Variants in MAF observed in about 807,000 individuals in gnomAD.
The protein encoded by MAF is MAF bZIP transcription factor.
A neutral mutation model predicts 22.0 loss-of-function variants in MAF; 10 were observed. That is an observed-to-expected ratio of 0.45 (90% CI 0.28 to 0.77). MAF has a LOEUF of 0.77. MAF is among the 30% of genes least tolerant of loss of function. The pLI is 0.12. For missense variants in MAF, 544 were observed against 548.4 expected (o/e 0.99, Z 0.08); for synonymous variants, 337 against 255.8 (o/e 1.32, Z -3.03).
chr16:79,264,880 A>T, the MAF span, among the ~76,000 whole-genome samples: 1 of 152,156 alleles, frequency 6.6e-6, no homozygotes, highest in Non-Finnish European at 1.5e-5. Flanking sequence ...ACAGTTCCCA[A>T]ATTTTAATTC....
chr16:79,468,431 T>A, the MAF span, among the ~76,000 whole-genome samples: 49 of 152,324 alleles, frequency 3.2e-4, no homozygotes, highest in Admixed American at 2.5e-3. Flanking sequence ...AAATGTGTCC[T>A]CTGGAGGGAG....
the MAF span, among the ~76,000 whole-genome samples, chr16:79,272,794 C>T: frequency 6.6e-6 from 1 of 152,110 alleles, no homozygotes; most frequent in Non-Finnish European, 1.5e-5. Flanking sequence ...GAGAGGAGCA[C>T]CCGATATTTT....
chr16:79,491,469 C>G, the MAF span, among the ~76,000 whole-genome samples: 1 of 152,142 alleles, frequency 6.6e-6, no homozygotes, highest in Non-Finnish European at 1.5e-5. Context: ...TTCGCAGTCT[C>G]GAGTCCCAGT....
At chr16:79,219,754 C>T in the MAF span, among the ~76,000 whole-genome samples, 7 of 152,140 alleles carry the variant, frequency 4.6e-5, no homozygotes, top group East Asian at 9.7e-4. Flanking sequence ...ATCTCCTGTA[C>T]CTCAGACTTC....
the MAF span, among the ~76,000 whole-genome samples, chr16:79,354,721 G>C: frequency 2.6e-5 from 4 of 152,308 alleles, no homozygotes; most frequent in South Asian, 6.2e-4. Flanking sequence ...GTTCTCCTTA[G>C]GTGTAATTTA....
the MAF span, among the ~76,000 whole-genome samples, chr16:79,390,568 G>T: frequency 6.6e-6 from 1 of 152,150 alleles, no homozygotes; most frequent in Non-Finnish European, 1.5e-5. Context: ...TCAAGGAACA[G>T]ACTGCTCTGA....
At chr16:79,334,853 GTGTGTGTGTA>G in the MAF span, among the ~76,000 whole-genome samples, 1 of 102,448 alleles carries the variant, frequency 9.8e-6, no homozygotes, top group African/African-American at 3.1e-5. Context: ...GTGTGTGTGT[GTGTGTGTGTA>G]TGTGTGTGTG....
chr16:79,499,987 G>C, the MAF span, among the ~76,000 whole-genome samples: 2 of 152,138 alleles, frequency 1.3e-5, no homozygotes, highest in Non-Finnish European at 1.5e-5. Context: ...GAGTTTAAGG[G>C]CAGACACATA....
the MAF span, among the ~76,000 whole-genome samples, chr16:79,216,347 T>C: frequency 1.3e-5 from 2 of 152,216 alleles, no homozygotes; most frequent in African/African-American, 2.4e-5. Context: ...CATATATGTA[T>C]TGCATATATA....
chr16:79,484,560 C>T, the MAF span, among the ~76,000 whole-genome samples: 2 of 152,196 alleles, frequency 1.3e-5, no homozygotes, highest in Non-Finnish European at 2.9e-5. Flanking sequence ...CTCAGCCCTT[C>T]ACTTTAACAA....
chr16:79,287,418 G>A, the MAF span, among the ~76,000 whole-genome samples: 2 of 152,306 alleles, frequency 1.3e-5, no homozygotes, highest in South Asian at 4.1e-4. Flanking sequence ...CACAGCTGAT[G>A]TGAGTCCACA....
chr16:79,261,059 G>A, the MAF span, among the ~76,000 whole-genome samples: 1 of 152,134 alleles, frequency 6.6e-6, no homozygotes, highest in African/African-American at 2.4e-5. Context: ...CTGCAGGCGA[G>A]AAGCAGTGGG....
chr16:79,506,556 G>C, the MAF span, among the ~76,000 whole-genome samples: 1 of 152,180 alleles, frequency 6.6e-6, no homozygotes, highest in African/African-American at 2.4e-5. Flanking sequence ...ACCAGGGCTG[G>C]TAGATAAAAA....
the MAF span, among the ~76,000 whole-genome samples, chr16:79,404,610 A>G: frequency 1.3e-5 from 2 of 150,716 alleles, no homozygotes; most frequent in African/African-American, 4.9e-5. Context: ...TTGAAATGAC[A>G]AGCGCTTCAA....
the MAF span, among the ~76,000 whole-genome samples, chr16:79,268,848 T>A: frequency 6.6e-6 from 1 of 152,214 alleles, no homozygotes; most frequent in Non-Finnish European, 1.5e-5. Context: ...TTGTCTGCAA[T>A]TCTTCCCTGT....
chr16:79,428,096 TAAAA>T, the MAF span, among the ~76,000 whole-genome samples: 1 of 104,124 alleles, frequency 9.6e-6, no homozygotes, highest in East Asian at 3.4e-4. Context: ...CGACTCAAAT[TAAAA>T]AAAAAAAAAA....
At chr16:79,324,121 C>A in the MAF span, among the ~76,000 whole-genome samples, 3 of 152,186 alleles carry the variant, frequency 2.0e-5, no homozygotes, top group African/African-American at 7.2e-5. Flanking sequence ...TTTTACATGA[C>A]TTCTGACAAT....
the MAF span, among the ~76,000 whole-genome samples, chr16:79,566,000 C>A: frequency 6.6e-6 from 1 of 152,152 alleles, no homozygotes; most frequent in African/African-American, 2.4e-5. Context: ...ACAATTCACC[C>A]TGCACTGATA....
the MAF span, among the ~76,000 whole-genome samples, chr16:79,305,517 G>C: frequency 1.3e-5 from 2 of 152,284 alleles, no homozygotes; most frequent in South Asian, 2.1e-4. Flanking sequence ...TCACAGCTGA[G>C]GGTCTGCAAG....
Sources: gnomAD v4.1 joint callset for allele counts (sites outside exome capture counted in the v4.1 genomes callset) on GRCh38, gnomAD v4.1.1 for gene constraint, MANE v1.5 for transcripts, NCBI Gene and HGNC (gene_info 2026-07-23, HGNC 2026-07-21) for gene names.